The following LUZP2 variants were observed in gnomAD, a reference collection of about 807,000 sequenced individuals.
LUZP2 encodes leucine zipper protein 2.
Under a neutral mutation model 51.6 loss-of-function variants are expected in LUZP2, and 52 were observed. The observed-to-expected ratio is 1.01, with a 90% CI of 0.81 to 1.27. LUZP2 has a LOEUF of 1.27. LUZP2 is among the 50% of genes most tolerant of loss of function. LUZP2 has a pLI of 0.00. For missense variants in LUZP2, 436 were observed against 395.4 expected (o/e 1.10, Z -0.87); for synonymous variants, 154 against 137.3 (o/e 1.12, Z -0.85).
At chr11:24,670,324 G>A (rs1856362789) in intron 1 of LUZP2, among the ~76,000 whole-genome samples, 1 of 151,922 alleles carries the variant, frequency 6.6e-6, no homozygotes. Flanking sequence ...GGATGACTAT[G>A]GTCATAATAA....
intron 1 of LUZP2, among the ~76,000 whole-genome samples, chr11:24,548,486 T>A (rs929672236): frequency 6.6e-6 from 1 of 151,980 alleles, no homozygotes; most frequent in Admixed American, 6.6e-5. Flanking sequence ...CACTTATAAG[T>A]GGGAGCTAAA....
intron 1 of LUZP2, among the ~76,000 whole-genome samples, chr11:24,520,140 G>A (rs1850598057): frequency 6.6e-6 from 1 of 152,184 alleles, no homozygotes; most frequent in South Asian, 2.1e-4. Flanking sequence ...GAATTTTGAA[G>A]ATTGACCTGT....
intron 1 of LUZP2, among the ~76,000 whole-genome samples, chr11:24,582,184 G>A (rs1216984084): frequency 1.3e-5 from 2 of 151,754 alleles, no homozygotes; most frequent in Non-Finnish European, 2.9e-5. Context: ...TCTGATTATA[G>A]TTTATTTGTA....
At chr11:24,682,726 C>T (rs890852246) in intron 1 of LUZP2, among the ~76,000 whole-genome samples, 1 of 151,540 alleles carries the variant, frequency 6.6e-6, no homozygotes, top group African/African-American at 2.4e-5. Flanking sequence ...ATGTTAGTGG[C>T]CAGGTGCAGT....
chr11:25,007,999 A>G (rs539257350), intron 9 of LUZP2, among the ~76,000 whole-genome samples: 33 of 152,328 alleles, frequency 2.2e-4, no homozygotes, highest in African/African-American at 7.7e-4. Context: ...AGGTCTTCAA[A>G]TCTATAATAA....
intron 9 of LUZP2, 115 bp downstream of exon 9, chr11:24,983,408 G>T (rs1856097348): frequency 9.3e-7 from 1 of 1,079,598 alleles, no homozygotes; most frequent in Non-Finnish European, 1.3e-6. Context: ...TCCATTGAAA[G>T]ATTAGGAGGA....
chr11:24,990,671 G>A (rs1856309284), intron 9 of LUZP2, among the ~76,000 whole-genome samples: 1 of 151,898 alleles, frequency 6.6e-6, no homozygotes, highest in Non-Finnish European at 1.5e-5. Context: ...AAATAGAGTT[G>A]GCACATATTT....
At chr11:24,641,743 T>C (rs1183340595) in intron 1 of LUZP2, among the ~76,000 whole-genome samples, 2 of 151,954 alleles carry the variant, frequency 1.3e-5, no homozygotes. Context: ...GATTTATCTT[T>C]GAAAACCTGG....
chr11:24,583,536 T>A (rs1852948606), intron 1 of LUZP2, among the ~76,000 whole-genome samples: 1 of 152,142 alleles, frequency 6.6e-6, no homozygotes, highest in African/African-American at 2.4e-5. Flanking sequence ...ATAACCAGAC[T>A]ATTTGGCACC....
chr11:24,817,174 A>G (rs1392439625), intron 5 of LUZP2, among the ~76,000 whole-genome samples: 2 of 151,448 alleles, frequency 1.3e-5, no homozygotes, highest in African/African-American at 4.9e-5. Flanking sequence ...TAATATATCA[A>G]TTGCACCTGC....
chr11:25,011,874 T>A (rs1856994172), intron 9 of LUZP2, among the ~76,000 whole-genome samples: 1 of 151,772 alleles, frequency 6.6e-6, no homozygotes, highest in African/African-American at 2.4e-5. Flanking sequence ...AGAGAATATA[T>A]ATGTTTTTAT....
intron 1 of LUZP2, among the ~76,000 whole-genome samples, chr11:24,601,807 A>C (rs1853646441): frequency 6.7e-6 from 1 of 149,798 alleles, no homozygotes; most frequent in Non-Finnish European, 1.5e-5. Flanking sequence ...CCATGGCAGC[A>C]ATACAAGACT....
chr11:24,821,770 A>G (rs1348384058), intron 5 of LUZP2, among the ~76,000 whole-genome samples: 3 of 152,050 alleles, frequency 2.0e-5, no homozygotes, highest in Non-Finnish European at 4.4e-5. Flanking sequence ...AAAACAGTCA[A>G]GAAAATGATG....
intron 5 of LUZP2, among the ~76,000 whole-genome samples, chr11:24,866,325 A>C (rs2134256578): frequency 6.6e-6 from 1 of 152,262 alleles, no homozygotes. Flanking sequence ...TCATGGGCAT[A>C]ATTTTCTGTA....
At chr11:24,630,708 G>T (rs1473248977) in intron 1 of LUZP2, among the ~76,000 whole-genome samples, 1 of 139,446 alleles carries the variant, frequency 7.2e-6, no homozygotes, top group African/African-American at 2.6e-5. Context: ...TCCATACTAA[G>T]TTTAAGATTT....
At chr11:24,984,873 G>A (rs901860005) in intron 9 of LUZP2, among the ~76,000 whole-genome samples, 18 of 151,324 alleles carry the variant, frequency 1.2e-4, no homozygotes, top group African/African-American at 4.4e-4. Flanking sequence ...TGACAGCTGA[G>A]TGTTTACTAC....
At chr11:24,657,111 T>C (rs542070069) in intron 1 of LUZP2, among the ~76,000 whole-genome samples, 1 of 152,186 alleles carries the variant, frequency 6.6e-6, no homozygotes, top group Non-Finnish European at 1.5e-5. Flanking sequence ...GATATTAATA[T>C]GTAGAGAAAA....
chr11:24,855,006 G>T (rs1343876918), intron 5 of LUZP2, among the ~76,000 whole-genome samples: 1 of 152,142 alleles, frequency 6.6e-6, no homozygotes, highest in Admixed American at 6.6e-5. Context: ...ACCTCAGTTG[G>T]AAATGGAGAA....
intron 1 of LUZP2, among the ~76,000 whole-genome samples, chr11:24,547,207 A>AG (rs59583994): frequency 0.57 from 86,657 of 151,528 alleles, 25,288 homozygotes; most frequent in East Asian, 0.72. Context: ...GAATTAGAAA[A>AG]AAAAAAACTA....
Sources: allele counts gnomAD v4.1 joint callset (sites outside exome capture counted in the v4.1 genomes callset), GRCh38; gene constraint gnomAD v4.1.1; transcripts MANE v1.5; gene names NCBI Gene and HGNC (gene_info 2026-07-23, HGNC 2026-07-21).